NDC1: variants seen among roughly 807,000 people sequenced by gnomAD.
NDC1 encodes the protein NDC1 transmembrane nucleoporin.
NDC1 carries 24 observed loss-of-function variants against 89.8 expected under a neutral mutation model. The ratio of observed to expected loss-of-function variants is 0.27; its 90% CI spans 0.19 to 0.38. The LOEUF is 0.38. NDC1 is among the 10% of genes least tolerant of loss of function. NDC1 has a pLI of 1.00. For synonymous variants in NDC1, 296 were observed against 284.8 expected (o/e 1.04, Z -0.39); for missense variants, 728 against 797.6 (o/e 0.91, Z 1.05).
intron 4 of NDC1, among the ~76,000 whole-genome samples, chr1:53,827,425 G>A (rs1648907590): frequency 6.6e-6 from 1 of 152,124 alleles, no homozygotes; most frequent in African/African-American, 2.4e-5. Flanking sequence ...ACAGGCACAT[G>A]CCACCACTCC....
At chr1:53,820,857 C>T (rs764183069) in intron 5 of NDC1, among the ~76,000 whole-genome samples, 8 of 151,364 alleles carry the variant, frequency 5.3e-5, no homozygotes, top group Non-Finnish European at 1.2e-4. Flanking sequence ...ACTATAGGCA[C>T]GCCACGCCTG....
chr1:53,837,634 G>A (rs1380437212), intron 1 of NDC1, among the ~76,000 whole-genome samples: 1 of 151,932 alleles, frequency 6.6e-6, no homozygotes, highest in Non-Finnish European at 1.5e-5. Flanking sequence ...CAGGGGAGAT[G>A]GCAGTGCACT....
chr1:53,798,602 T>C (rs929441999), intron 11 of NDC1, among the ~76,000 whole-genome samples: 5 of 151,260 alleles, frequency 3.3e-5, no homozygotes, highest in African/African-American at 1.2e-4. Flanking sequence ...TCACCCAGAC[T>C]GGAGTGCAGT....
intron 4 of NDC1, among the ~76,000 whole-genome samples, chr1:53,826,685 T>C (rs976820785): frequency 6.6e-6 from 1 of 152,182 alleles, no homozygotes; most frequent in Admixed American, 6.5e-5. Context: ...TGAGAATCTC[T>C]ATGATCTATG....
chr1:53,828,085 T>G lies in NDC1; in HGVS notation c.369A>C (p.Ala123=), dbSNP rs768827939. The change falls in exon 4 of 18, where the codon GCA becomes GCC. Residue 123 remains alanine (A), a synonymous_variant. Coordinates refer to ENST00000371429, the MANE Select transcript of NDC1 (RefSeq NM_018087.5). ...QQLMHSFIHA[A]MGMVMAWCAA... is the part of the protein sequence containing the mutation. ...CACACCAGGCCATCACCATTCCCAT[T>G]GCAGCATGAATAAATGAGTGCATGA... 4 of 1,614,148 alleles carry G rather than the reference T, an allele frequency of 2.5e-6. No individual in the cohort carries two copies. The highest frequency in any genetic ancestry group is 2.5e-6 in the Non-Finnish European group (3 of 1,180,018).
intron 11 of NDC1, among the ~76,000 whole-genome samples, chr1:53,798,138 TTTA>T (rs71063883): frequency 0.085 from 11,307 of 132,884 alleles, 540 homozygotes; most frequent in Middle Eastern, 0.17. Flanking sequence ...CCATCTTCTT[TTTA>T]TTATTATTAT....
chr1:53,799,404 T>C (rs184105241), intron 11 of NDC1, among the ~76,000 whole-genome samples: 2 of 152,312 alleles, frequency 1.3e-5, no homozygotes, highest in Admixed American at 1.3e-4. Flanking sequence ...TGAAACACTC[T>C]CAAACCTTTC....
chr1:53,791,283 G>A (rs1442389356), intron 14 of NDC1, among the ~76,000 whole-genome samples: 2 of 152,094 alleles, frequency 1.3e-5, no homozygotes. Flanking sequence ...GCCAGGCGTG[G>A]TGGCAGGTGC....
At chr1:53,800,554 T>C (rs1271673681) in intron 11 of NDC1, 139 bp downstream of exon 11, 1 of 781,190 alleles carries the variant, frequency 1.3e-6, no homozygotes, top group Non-Finnish European at 2.1e-6. Flanking sequence ...CTCGATCTCT[T>C]GACCTCATGA....
chr1:53,804,811 C>T (rs1192294131), intron 9 of NDC1, among the ~76,000 whole-genome samples: 1 of 151,166 alleles, frequency 6.6e-6, no homozygotes, highest in Non-Finnish European at 1.5e-5. Context: ...TGAAAATCTT[C>T]ATCTTTTCCC....
intron 16 of NDC1, among the ~76,000 whole-genome samples, chr1:53,786,728 C>T (rs187266043): frequency 3.9e-5 from 6 of 152,272 alleles, no homozygotes; most frequent in Non-Finnish European, 7.4e-5. Flanking sequence ...GACAGGGTCT[C>T]GCTCTGTTAC....
chr1:53,798,141 A>T (rs866289905), intron 11 of NDC1, among the ~76,000 whole-genome samples: 15 of 98,316 alleles, frequency 1.5e-4, no homozygotes, highest in Admixed American at 3.9e-4. Flanking sequence ...TCTTCTTTTT[A>T]TTATTATTAT....
intron 17 of NDC1, 38 bp from the exon 18 acceptor site, chr1:53,768,071 T>A: frequency 7.0e-7 from 1 of 1,435,706 alleles, no homozygotes; most frequent in Non-Finnish European, 9.6e-7. Context: ...AGCTTTATTT[T>A]ACATTAAGCA....
At chr1:53,797,242 G>A (rs932263470) in intron 11 of NDC1, 98 bp from the exon 12 acceptor site, 22 of 1,159,750 alleles carry the variant, frequency 1.9e-5, no homozygotes, top group Non-Finnish European at 2.2e-5. Context: ...TTTGTTTAAC[G>A]CATTTACCCA....
chr1:53,769,216 A>G (rs1647091585), intron 17 of NDC1, among the ~76,000 whole-genome samples: 1 of 152,146 alleles, frequency 6.6e-6, no homozygotes, highest in African/African-American at 2.4e-5. Flanking sequence ...AGGCTGGAAA[A>G]CCAGAATTAA....
chr1:53,803,025 A>T (rs1647973515), intron 10 of NDC1, among the ~76,000 whole-genome samples: 2 of 152,098 alleles, frequency 1.3e-5, no homozygotes, highest in Admixed American at 1.3e-4. Flanking sequence ...TAGACCACCT[A>T]ATTTTTAAGA....
In NDC1 at chr1:53,796,879, A is replaced by T; in HGVS notation, c.1468+20T>A. ...TCTGCAACATGACATTTAAAATCTT[A>T]AAAAATATATAATTCTCACCAGAAG... is the stretch of plus-strand genomic sequence containing the variant. On this transcript the variant is annotated intron_variant, in intron 12 of 17. Coordinates refer to ENST00000371429, the MANE Select transcript of NDC1 (RefSeq NM_018087.5). 6.2e-7 allele frequency: 1 copy of T among 1,608,642 alleles called. No homozygotes were observed. The highest frequency in any genetic ancestry group is 8.5e-7 in the Non-Finnish European group (1 of 1,178,360).
At position 53,767,710 on chromosome 1, in the gene NDC1, A is replaced by C; in HGVS notation, c.*260T>G. Reference sequence around the variant, plus strand: ...AGCTAGAGACATTTCGACTGCCATCAATGCTTCTGTAAAATTGAATAAAGA... The same window carrying C: ...AGCTAGAGACATTTCGACTGCCATCCATGCTTCTGTAAAATTGAATAAAGA... On this transcript the variant is annotated 3_prime_UTR_variant, in exon 18 of 18. Coordinates refer to ENST00000371429, the MANE Select transcript of NDC1 (RefSeq NM_018087.5). The C allele has an allele frequency of 3.2e-6, 1 of 312,112 alleles. No individual in the cohort carries two copies. 19.3% of individuals were successfully genotyped at this position (312,112 alleles called of 1,614,324 possible). A position where few individuals can be genotyped will look rare whatever the true frequency, so the allele number is the denominator to read the frequency against.
At chr1:53,800,299 T>A (rs1257906160) in intron 11 of NDC1, among the ~76,000 whole-genome samples, 1 of 149,052 alleles carries the variant, frequency 6.7e-6, no homozygotes, top group Non-Finnish European at 1.5e-5. Flanking sequence ...CACCTCACAC[T>A]CATATAAGTA....
Sources: gnomAD v4.1 joint callset for allele counts (sites outside exome capture counted in the v4.1 genomes callset) on GRCh38, gnomAD v4.1.1 for gene constraint, MANE v1.5 for transcripts, NCBI Gene and HGNC (gene_info 2026-07-23, HGNC 2026-07-21) for gene names.